Variants in MAGI1 observed in about 807,000 individuals in gnomAD.
MAGI1 encodes the protein membrane associated guanylate kinase, WW and PDZ domain containing 1, also known as membrane-associated guanylate kinase, WW and PDZ domain-containing protein 1.
In MAGI1, 58 loss-of-function variants were observed where a neutral mutation model predicts 139.9. That is an observed-to-expected ratio of 0.41 (90% confidence interval 0.34 to 0.52). The LOEUF is 0.52. Among genes scored for constraint, MAGI1 ranks in the 20% least tolerant of loss-of-function variants. MAGI1 has a pLI of 0.12. For missense variants in MAGI1, 1,874 were observed against 1,901.6 expected (o/e 0.99, Z 0.27); for synonymous variants, 812 against 737.9 (o/e 1.10, Z -1.63).
chr3:65,430,549 G>A (rs898949546), intron 11 of MAGI1, 150 bp downstream of exon 11: 28 of 755,608 alleles, frequency 3.7e-5, no homozygotes, highest in Admixed American at 1.1e-4. Flanking sequence ...GTGGAGACCT[G>A]GCTCATTCTC....
intron 1 of MAGI1, among the ~76,000 whole-genome samples, chr3:65,884,839 G>A (rs2060470124): frequency 6.6e-6 from 1 of 152,108 alleles, no homozygotes. Flanking sequence ...TCTGTTAGAG[G>A]AACAGAGATT....
At chr3:65,935,999 A>C (rs1266065798) in intron 1 of MAGI1, among the ~76,000 whole-genome samples, 1 of 152,222 alleles carries the variant, frequency 6.6e-6, no homozygotes, top group Non-Finnish European at 1.5e-5. Context: ...TGGCCAACTC[A>C]CAAAATGATG....
At position 65,548,511 on chromosome 3, in the gene MAGI1, C is replaced by CTTTTTTTTTTTTTTTT. The variant is rs1170215972; in HGVS notation, c.431-54896_431-54881dup. 6.6e-4 allele frequency among the ~76,000 whole-genome samples: 58 copies of CTTTTTTTTTTTTTTTT among 87,372 alleles called. 2 individuals are homozygous for CTTTTTTTTTTTTTTTT. Among genetic ancestry groups the CTTTTTTTTTTTTTTTT allele is most frequent in the South Asian group, 1.2e-3 (3 of 2,446 alleles). 57.3% of individuals were successfully genotyped at this position (87,372 alleles called of 152,430 possible). A position where few individuals can be genotyped will look rare whatever the true frequency, so the allele number is the denominator to read the frequency against. On this transcript the variant is annotated intron_variant, in intron 2 of 22. Coordinates refer to ENST00000402939, the MANE Select transcript of MAGI1 (RefSeq NM_001033057.2). ...AGCCCAGCTTTATGCAAACAACACTCTTTTTTTTTTTTTTTTTTTTTTTTT... is the reference window on the plus strand; with the variant it reads ...AGCCCAGCTTTATGCAAACAACACTCTTTTTTTTTTTTTTTTTTTTTTTTTTTTTTTTTTTTTTTTT...
chr3:66,009,234 G>T (rs1248458518), intron 1 of MAGI1: 1 of 152,286 alleles, frequency 6.6e-6, no homozygotes, highest in African/African-American at 2.4e-5. Flanking sequence ...AAGAATATCC[G>T]GCCAGGTGCG....
At chr3:65,948,040 C>A (rs905475265) in intron 1 of MAGI1, among the ~76,000 whole-genome samples, 2 of 149,928 alleles carry the variant, frequency 1.3e-5, no homozygotes, top group Non-Finnish European at 3.0e-5. Flanking sequence ...CTCCCAGGTT[C>A]AAGCGATTGT....
At chr3:65,844,277 T>C (rs1575678724) in intron 1 of MAGI1, 1 of 393,484 alleles carries the variant, frequency 2.5e-6, no homozygotes. Flanking sequence ...CTACAGGACT[T>C]GCAGAGCTCA....
At chr3:65,612,036 GT>G (rs2083151544) in intron 2 of MAGI1, among the ~76,000 whole-genome samples, 1 of 151,998 alleles carries the variant, frequency 6.6e-6, no homozygotes, top group African/African-American at 2.4e-5. Flanking sequence ...TTTCAGGCTA[GT>G]CTCTCTATAC....
chr3:65,593,573 C>T (rs1252619522), intron 2 of MAGI1, among the ~76,000 whole-genome samples: 1 of 152,130 alleles, frequency 6.6e-6, no homozygotes, highest in Non-Finnish European at 1.5e-5. Flanking sequence ...ACTTATGTTT[C>T]ATTTTCTATT....
chr3:65,792,224 G>A (rs2039829398), intron 1 of MAGI1, among the ~76,000 whole-genome samples: 1 of 152,068 alleles, frequency 6.6e-6, no homozygotes. Context: ...CAGCACTTTG[G>A]GAAGCTGAGG....
At chr3:65,672,461 C>T (rs573737695) in intron 1 of MAGI1, among the ~76,000 whole-genome samples, 2 of 152,210 alleles carry the variant, frequency 1.3e-5, no homozygotes, top group Admixed American at 6.5e-5. Context: ...CAGATTATAT[C>T]GGTTTAGGTC....
At chr3:65,478,088 T>C (rs1161327203) in intron 4 of MAGI1, among the ~76,000 whole-genome samples, 3 of 152,120 alleles carry the variant, frequency 2.0e-5, no homozygotes, top group African/African-American at 7.2e-5. Context: ...TTTGCGTAAG[T>C]TAACTGAACA....
intron 1 of MAGI1, among the ~76,000 whole-genome samples, chr3:65,879,176 C>A (rs2060231573): frequency 6.6e-6 from 1 of 152,116 alleles, no homozygotes; most frequent in African/African-American, 2.4e-5. Context: ...GCACCAGACT[C>A]GGCCGAAAAT....
intron 1 of MAGI1, among the ~76,000 whole-genome samples, chr3:65,826,453 G>T (rs7625783): frequency 6.6e-6 from 1 of 152,182 alleles, no homozygotes; most frequent in Non-Finnish European, 1.5e-5. Context: ...CCTGTTACTT[G>T]TGCCTAAATG....
intron 2 of MAGI1, among the ~76,000 whole-genome samples, chr3:65,504,809 GA>G (rs1259309077): frequency 6.6e-6 from 1 of 152,158 alleles, no homozygotes. Flanking sequence ...CATTCCACAG[GA>G]AAGTCAACCT....
At chr3:66,021,312 C>T (rs996599198) in intron 1 of MAGI1, among the ~76,000 whole-genome samples, 1 of 152,140 alleles carries the variant, frequency 6.6e-6, no homozygotes, top group Non-Finnish European at 1.5e-5. Flanking sequence ...GTCTTTCCAC[C>T]GGAGTTCCCT....
Position 65,921,919 on chromosome 3 carries a change from G to GACACACACAC in MAGI1, c.313+116067_313+116076dup, listed in dbSNP as rs35532734. ...AGACCCTATCTCCAACCACACACAC[G>GACACACACAC]ACACACACACACACACACACACACA... On this transcript the variant is annotated intron_variant, in intron 1 of 22. Transcript: ENST00000402939. 2.4e-3 allele frequency among the ~76,000 whole-genome samples: 331 copies of GACACACACAC among 140,840 alleles called. 1 individual carries two copies. The highest frequency in any genetic ancestry group is 7.7e-3 in the African/African-American group (289 of 37,770). The allele number at this position is 140,840 out of a possible 152,430, so 92.4% of individuals were successfully genotyped here. A position where few individuals can be genotyped will look rare whatever the true frequency, so the allele number is the denominator to read the frequency against.
At chr3:65,458,099 T>C (rs886977613) in intron 5 of MAGI1, among the ~76,000 whole-genome samples, 2 of 152,168 alleles carry the variant, frequency 1.3e-5, no homozygotes, top group Non-Finnish European at 2.9e-5. Flanking sequence ...TGACCTCCAG[T>C]TCCACAAAGG....
chr3:65,501,083 G>A (rs1203689190), intron 2 of MAGI1, among the ~76,000 whole-genome samples: 1 of 152,068 alleles, frequency 6.6e-6, no homozygotes. Flanking sequence ...ATGACAATCA[G>A]CACTACAATT....
chr3:65,697,881 T>C (rs1239076684), intron 1 of MAGI1, among the ~76,000 whole-genome samples: 3 of 67,954 alleles, frequency 4.4e-5, no homozygotes, highest in African/African-American at 1.8e-4. Flanking sequence ...CCAGGGCAAT[T>C]AGGCAGGAGA....
Sources: gnomAD v4.1 joint callset for allele counts (sites outside exome capture counted in the v4.1 genomes callset) on GRCh38, gnomAD v4.1.1 for gene constraint, MANE v1.5 for transcripts, NCBI Gene and HGNC (gene_info 2026-07-23, HGNC 2026-07-21) for gene names.